Variants in HS3ST4 observed in about 807,000 individuals in gnomAD.
HS3ST4 encodes heparan sulfate glucosamine 3-O-sulfotransferase 4.
A neutral mutation model predicts 29.2 loss-of-function variants in HS3ST4; 17 were observed. The ratio of observed to expected loss-of-function variants is 0.58; its 90% confidence interval spans 0.40 to 0.87. The LOEUF (loss-of-function observed/expected upper bound fraction) is 0.87, where lower values mean the gene tolerates loss of function less well. Among genes scored for constraint, HS3ST4 ranks in the 40% least tolerant of loss-of-function variants. HS3ST4 has a pLI of 0.00. For missense variants in HS3ST4, 627 were observed against 634.5 expected, an observed-to-expected ratio of 0.99 and a Z score of 0.13; for synonymous variants, 314 against 285.7, an observed-to-expected ratio of 1.10 and a Z score of -1.00.
At chr16:26,121,711 G>A (rs1189809842) in intron 1 of HS3ST4, among the ~76,000 whole-genome samples, 3 of 152,298 alleles carry the variant, frequency 2.0e-5, no homozygotes, top group Admixed American at 2.0e-4. Flanking sequence ...TCAACTGTAA[G>A]CACGAGTGCC....
chr16:26,093,024 G>A (rs1205797353), intron 1 of HS3ST4, among the ~76,000 whole-genome samples: 1 of 152,214 alleles, frequency 6.6e-6, no homozygotes, highest in Non-Finnish European at 1.5e-5. Flanking sequence ...TGAGGCGGCA[G>A]CCTGGCCGGG....
At chr16:25,906,778 T>G (rs1040391159) in intron 1 of HS3ST4, among the ~76,000 whole-genome samples, 1 of 152,142 alleles carries the variant, frequency 6.6e-6, no homozygotes, top group Non-Finnish European at 1.5e-5. Context: ...GTGGCTGGTA[T>G]CTAGGAAGCA....
chr16:26,090,049 A>G (rs569533403), intron 1 of HS3ST4, among the ~76,000 whole-genome samples: 1 of 152,208 alleles, frequency 6.6e-6, no homozygotes, highest in Non-Finnish European at 1.5e-5. Context: ...TAGGGCTTAC[A>G]TGAAATAATC....
chr16:26,001,148 A>G (rs1268304641), intron 1 of HS3ST4, among the ~76,000 whole-genome samples: 1 of 152,176 alleles, frequency 6.6e-6, no homozygotes, highest in African/African-American at 2.4e-5. Flanking sequence ...TCAATTTACA[A>G]TATTGGAATT....
intron 1 of HS3ST4, among the ~76,000 whole-genome samples, chr16:26,036,523 G>T (rs73512488): frequency 0.012 from 1,836 of 152,192 alleles, 38 homozygotes; most frequent in African/African-American, 0.04. Context: ...CTGGATTTTT[G>T]TTCTTTCTTT....
Position 25,692,552 on chromosome 16 carries a change from C to T in HS3ST4, c.135C>T (p.Val45=), listed in dbSNP as rs1268522510. Residue 45 remains valine (V), a synonymous_variant, in exon 1 of 2, where the codon GTC becomes GTT. Coordinates refer to ENST00000331351, the MANE Select transcript of HS3ST4 (RefSeq NM_006040.3). ...LLFMCTLSLS[V]TYLCYSLLGG... ...TTATGTGCACCTTGTCCCTGTCTGT[C>T]ACCTACCTGTGCTACAGCCTCCTGG... 1.4e-6 allele frequency: 2 copies of T among 1,454,616 alleles called. No individual in the cohort carries two copies. The highest frequency in any genetic ancestry group is 1.8e-6 in the Non-Finnish European group (2 of 1,094,486). The allele number at this position is 1,454,616 out of a possible 1,614,324, so 90.1% of individuals were successfully genotyped here. A position where few individuals can be genotyped will look rare whatever the true frequency, so the allele number is the denominator to read the frequency against.
At chr16:25,850,580 A>G (rs1967509612) in intron 1 of HS3ST4, among the ~76,000 whole-genome samples, 1 of 152,204 alleles carries the variant, frequency 6.6e-6, no homozygotes, top group East Asian at 1.9e-4. Flanking sequence ...ATGGAAAAGA[A>G]AACAAAATTC....
At chr16:26,081,510 G>A (rs1898723426) in intron 1 of HS3ST4, among the ~76,000 whole-genome samples, 1 of 152,112 alleles carries the variant, frequency 6.6e-6, no homozygotes, top group Non-Finnish European at 1.5e-5. Context: ...TTATGCAAGT[G>A]GAGGCATTTC....
intron 1 of HS3ST4, among the ~76,000 whole-genome samples, chr16:25,916,488 G>A (rs927854445): frequency 6.6e-6 from 1 of 151,618 alleles, no homozygotes; most frequent in African/African-American, 2.4e-5. Context: ...TCAGCCTACC[G>A]AGTAGCTGGG....
chr16:26,076,506 G>A (rs1226336680), intron 1 of HS3ST4, among the ~76,000 whole-genome samples: 3 of 152,204 alleles, frequency 2.0e-5, no homozygotes, highest in Non-Finnish European at 4.4e-5. Context: ...ATGAGCATAA[G>A]GTGGGGGATA....
At chr16:25,907,881 T>A (rs1968195222) in intron 1 of HS3ST4, among the ~76,000 whole-genome samples, 1 of 152,274 alleles carries the variant, frequency 6.6e-6, no homozygotes, top group Admixed American at 6.5e-5. Flanking sequence ...TTCCTCTTCC[T>A]TGAACTTTCC....
chr16:26,026,149 T>A (rs1969470286), intron 1 of HS3ST4, among the ~76,000 whole-genome samples: 1 of 152,098 alleles, frequency 6.6e-6, no homozygotes, highest in African/African-American at 2.4e-5. Flanking sequence ...CCTCGTGATC[T>A]GCCTGCCTCA....
chr16:26,088,816 T>C (rs1202754030), intron 1 of HS3ST4, among the ~76,000 whole-genome samples: 2 of 152,218 alleles, frequency 1.3e-5, no homozygotes, highest in Admixed American at 1.3e-4. Flanking sequence ...CCTCCTGTGT[T>C]CTCTCAGTGT....
At chr16:25,794,936 C>CAT (rs1193204051) in intron 1 of HS3ST4, among the ~76,000 whole-genome samples, 3 of 135,728 alleles carry the variant, frequency 2.2e-5, no homozygotes, top group African/African-American at 8.4e-5. Flanking sequence ...CACACACACA[C>CAT]ACATATATAT....
intron 1 of HS3ST4, among the ~76,000 whole-genome samples, chr16:25,869,602 T>C (rs1967728685): frequency 1.3e-5 from 2 of 152,144 alleles, no homozygotes; most frequent in African/African-American, 4.8e-5. Context: ...ACATCAAATG[T>C]CTGCAAAACC....
chr16:25,872,789 A>T (rs1202842518), intron 1 of HS3ST4, among the ~76,000 whole-genome samples: 1 of 152,234 alleles, frequency 6.6e-6, no homozygotes, highest in Non-Finnish European at 1.5e-5. Flanking sequence ...ACAAAAGCAT[A>T]TGTTAAAGGA....
At chr16:25,753,819 C>T (rs1966737640) in intron 1 of HS3ST4, among the ~76,000 whole-genome samples, 1 of 152,090 alleles carries the variant, frequency 6.6e-6, no homozygotes, top group African/African-American at 2.4e-5. Flanking sequence ...TTGCTTATTT[C>T]TTCTGTTACA....
At chr16:25,925,142 A>C (rs1429557930) in intron 1 of HS3ST4, among the ~76,000 whole-genome samples, 1 of 151,364 alleles carries the variant, frequency 6.6e-6, no homozygotes, top group Non-Finnish European at 1.5e-5. Context: ...TTTTCAATAC[A>C]CTGAGCTCCT....
intron 1 of HS3ST4, among the ~76,000 whole-genome samples, chr16:25,983,815 G>T (rs1326279413): frequency 6.6e-6 from 1 of 152,224 alleles, no homozygotes; most frequent in Non-Finnish European, 1.5e-5. Context: ...CACACAGATA[G>T]TAATTTCAGG....
Sources: allele counts gnomAD v4.1 joint callset (sites outside exome capture counted in the v4.1 genomes callset), GRCh38; gene constraint gnomAD v4.1.1; transcripts MANE v1.5; gene names NCBI Gene and HGNC (gene_info 2026-07-23, HGNC 2026-07-21).